GARNL3: variants seen among roughly 807,000 people sequenced by gnomAD.
GARNL3 encodes GTPase activating Rap/RanGAP domain like 3.
In GARNL3, 63 loss-of-function variants were observed where a neutral mutation model predicts 125.0. The ratio of observed to expected loss-of-function variants is 0.50; its 90% CI spans 0.41 to 0.62. GARNL3 has a LOEUF of 0.62. Among genes scored for constraint, GARNL3 ranks in the 20% least tolerant of loss-of-function variants. GARNL3 has a pLI of 0.00. For missense variants in GARNL3, 994 were observed against 1,244.0 expected (o/e 0.80, Z 3.02); for synonymous variants, 439 against 457.5 (o/e 0.96, Z 0.52).
At chr9:127,332,394 GC>G (rs753070936) in intron 8 of GARNL3, 45 bp downstream of exon 8, 1 of 1,484,390 alleles carries the variant, frequency 6.7e-7, no homozygotes, top group Non-Finnish European at 9.4e-7. Flanking sequence ...ACCCTGTCCT[GC>G]CTTGTTGCAT....
rs773527656 is a variant in GARNL3 at position 127,344,225 on chromosome 9, TC to T, written c.1252-9del. On this transcript the variant is annotated splice_polypyrimidine_tract_variant and intron_variant, in intron 14 of 27. Coordinates refer to ENST00000373387, the MANE Select transcript of GARNL3 (RefSeq NM_032293.5). ...GTTTGTGGAATTCATAACTTGTTTT[TC>T]TTTTTTAGAACATGCTTAATAGACG... 6.3e-7 allele frequency: 1 copy of T among 1,578,118 alleles called. No individual in the cohort carries two copies. The highest frequency in any genetic ancestry group is 8.6e-7 in the Non-Finnish European group (1 of 1,157,294).
chr9:127,233,788 A>C (rs2063062951), intron 1 of GARNL3, among the ~76,000 whole-genome samples: 1 of 152,176 alleles, frequency 6.6e-6, no homozygotes. Flanking sequence ...CTTGTTCCTG[A>C]ATGTTGCTTT....
chr9:127,324,627 A>G (rs566156262), intron 6 of GARNL3, among the ~76,000 whole-genome samples: 2 of 152,346 alleles, frequency 1.3e-5, no homozygotes, highest in African/African-American at 4.8e-5. Flanking sequence ...TAAGTTTACA[A>G]ACTTTTATAT....
intron 13 of GARNL3, among the ~76,000 whole-genome samples, chr9:127,340,034 G>T (rs1448176455): frequency 2.0e-5 from 3 of 152,104 alleles, no homozygotes; most frequent in Non-Finnish European, 4.4e-5. Flanking sequence ...TGTTCTGATA[G>T]AGCCATTGCT....
At chr9:127,231,675 A>G (rs2063022052) in intron 1 of GARNL3, among the ~76,000 whole-genome samples, 1 of 152,244 alleles carries the variant, frequency 6.6e-6, no homozygotes, top group Non-Finnish European at 1.5e-5. Context: ...CTGGACCAGC[A>G]GCATCTGCAT....
intron 22 of GARNL3, among the ~76,000 whole-genome samples, chr9:127,371,010 CAT>C (rs1188615313): frequency 6.6e-6 from 1 of 152,232 alleles, no homozygotes; most frequent in East Asian, 1.9e-4. Flanking sequence ...TTCCTCCTCA[CAT>C]GTGCTCCTCC....
chr9:127,390,564 A>G, intron 26 of GARNL3, 77 bp from the exon 27 acceptor site: 1 of 1,401,688 alleles, frequency 7.1e-7, no homozygotes. Flanking sequence ...GTTCCCAACC[A>G]AGAAAAAATA....
chr9:127,293,596 T>C (rs2064493497), intron 2 of GARNL3, among the ~76,000 whole-genome samples: 2 of 152,304 alleles, frequency 1.3e-5, no homozygotes, highest in South Asian at 4.1e-4. Flanking sequence ...AATGTCAAAT[T>C]TGTCTTTTAT....
intron 1 of GARNL3, among the ~76,000 whole-genome samples, chr9:127,240,730 C>G (rs986091538): frequency 1.3e-5 from 2 of 152,062 alleles, no homozygotes; most frequent in African/African-American, 2.4e-5. Flanking sequence ...TAGGGAGACC[C>G]ATGTCTATAC....
chr9:127,361,705 A>T (rs1346035271), intron 21 of GARNL3: 1 of 151,818 alleles, frequency 6.6e-6, no homozygotes, highest in Admixed American at 6.6e-5. Context: ...CTGCAGCCCA[A>T]CTCTCTGAAT....
intron 22 of GARNL3, among the ~76,000 whole-genome samples, chr9:127,379,818 TTTTC>T (rs1368409661): frequency 6.6e-6 from 1 of 152,200 alleles, no homozygotes; most frequent in Non-Finnish European, 1.5e-5. Flanking sequence ...CCAATTCTGT[TTTTC>T]TTTATAACAT....
chr9:127,328,199 A>G (rs1230586243), intron 7 of GARNL3, among the ~76,000 whole-genome samples: 1 of 151,918 alleles, frequency 6.6e-6, no homozygotes, highest in Non-Finnish European at 1.5e-5. Context: ...TGATCTCTTT[A>G]TTTTTCAATT....
In GARNL3 at chr9:127,354,386, G is replaced by C. The variant is rs1231776256; in HGVS notation, c.1735G>C (p.Glu579Gln). 6.2e-7 allele frequency: 1 copy of C among 1,611,754 alleles called. No individual in the cohort carries two copies. Among genetic ancestry groups the C allele is most frequent in the Non-Finnish European group, 8.5e-7 (1 of 1,178,252 alleles). Reference sequence around the variant, plus strand: ...TGGGAAGAGCAGGTCTGACTGCAGAGAAAACAAGTTGGAGAAAACAAAAGG... The same window carrying C: ...TGGGAAGAGCAGGTCTGACTGCAGACAAAACAAGTTGGAGAAAACAAAAGG... ...QAGKSRSDCR[E>Q]NKLEKTKGCH... Residue 579 changes from glutamate to glutamine, a missense_variant, in exon 19 of 28, where the codon GAA (glutamate) becomes CAA (glutamine). Glu to Gln is a conservative substitution (Grantham distance 29). This residue lies in a region of GARNL3 where 728 missense variants were observed against 865.7 expected (regional missense o/e 0.84). Transcript: ENST00000373387.
intron 3 of GARNL3, among the ~76,000 whole-genome samples, chr9:127,312,178 A>G (rs1335659121): frequency 2.0e-5 from 3 of 152,208 alleles, no homozygotes; most frequent in Non-Finnish European, 2.9e-5. Context: ...AGACTCTGGC[A>G]TCATTCATAC....
In GARNL3 at chr9:127,284,361, T is replaced by A. The variant is rs61337498; in HGVS notation, c.145-6807T>A. Among the ~76,000 whole-genome samples the A allele has an allele frequency of 5.3e-3, 810 of 152,340 alleles. 23 individuals carry two copies. The East Asian group carries it at 0.077, about 14-fold the overall frequency. Reference sequence around the variant, plus strand: ...CTTAATCTTTTAGAAATCTCTTTCTTCTTAGTGGTTCTATTTTCTTTATTA... The same window carrying A: ...CTTAATCTTTTAGAAATCTCTTTCTACTTAGTGGTTCTATTTTCTTTATTA... On this transcript the variant is annotated intron_variant, in intron 1 of 27. Coordinates refer to ENST00000373387, the MANE Select transcript of GARNL3 (RefSeq NM_032293.5).
rs1474984322 is a variant in GARNL3, at chr9:127,353,781, G to GT, written c.1544-62dup. 46 of 1,084,108 alleles carry GT rather than the reference G, an allele frequency of 4.2e-5. No homozygotes were observed. In the East Asian group the frequency reaches 8.9e-4, roughly 21 times the overall value. 67.2% of individuals were successfully genotyped at this position (1,084,108 alleles called of 1,614,324 possible). On this transcript the variant is annotated intron_variant, in intron 17 of 27. Coordinates refer to ENST00000373387, the MANE Select transcript of GARNL3 (RefSeq NM_032293.5). Reference sequence around the variant, plus strand: ...TGGGTTCAAAACTACCCACAGGCACGTTTGGTGGGTTCTGGAAAGCGTGGG... The same window carrying GT: ...TGGGTTCAAAACTACCCACAGGCACGTTTTGGTGGGTTCTGGAAAGCGTGGG...
In GARNL3 at chr9:127,290,640, G is replaced by A. The variant is rs189725434; in HGVS notation, c.145-528G>A. The stretch of plus-strand genomic sequence containing the variant: ...TGGGCCCCTTGGAGACTGTCTATTT[G>A]CAAGCATCACCTTGCCAGAGCTAAA... On this transcript the variant is annotated intron_variant, in intron 1 of 27. Transcript: ENST00000373387. Among the ~76,000 whole-genome samples the A allele has an allele frequency of 2.0e-5, 3 of 152,290 alleles. No homozygotes were observed. The East Asian group carries it at 5.8e-4, about 29-fold the overall frequency.
In GARNL3 at chr9:127,389,117, TG is replaced by T. The variant is rs1832700810; in HGVS notation, c.2743+1del. On this transcript the variant is annotated frameshift_variant and splice_region_variant, in exon 26 of 28. Coordinates refer to ENST00000373387, the MANE Select transcript of GARNL3 (RefSeq NM_032293.5). LOFTEE classifies it high-confidence loss of function. The part of the protein sequence containing the change: ...EIASRTRREL[L>X]GLSDEGGPKS... ...GCAAGCAGGACCCGCAGGGAACTACTGGGTAATGGTTCTCAATCCTGGTTTC... is the reference window on the plus strand; with the variant it reads ...GCAAGCAGGACCCGCAGGGAACTACTGGTAATGGTTCTCAATCCTGGTTTC... The T allele has an allele frequency of 6.2e-7, 1 of 1,610,028 alleles. No individual in the cohort carries two copies. The highest frequency in any genetic ancestry group is 1.3e-5 in the African/African-American group (1 of 74,854).
chr9:127,294,792 C>CTGAGA (rs1253782911), intron 2 of GARNL3, among the ~76,000 whole-genome samples: 6 of 152,316 alleles, frequency 3.9e-5, no homozygotes, highest in Middle Eastern at 3.4e-3. Flanking sequence ...GCCAGACAGG[C>CTGAGA]TGAGCCCTGG....
Sources: allele counts gnomAD v4.1 joint callset (sites outside exome capture counted in the v4.1 genomes callset), GRCh38; gene constraint gnomAD v4.1.1; regional missense constraint gnomAD v4.1.1; transcripts MANE v1.5; gene names NCBI Gene and HGNC (gene_info 2026-07-23, HGNC 2026-07-21).